PCDHGA2: variants seen among roughly 807,000 people sequenced by gnomAD.
The protein encoded by PCDHGA2 is protocadherin gamma subfamily A, 2, also known as protocadherin gamma-A2.
PCDHGA2 carries 40 observed loss-of-function variants against 59.2 expected under a neutral mutation model. That is an observed-to-expected ratio of 0.68 (90% CI 0.52 to 0.88). The LOEUF (loss-of-function observed/expected upper bound fraction) is 0.88. Among genes scored for constraint, PCDHGA2 ranks in the 40% least tolerant of loss-of-function variants. The probability of loss-of-function intolerance (pLI) is 0.00; values close to 1 mark genes in which losing one functional copy is unlikely to be tolerated. For synonymous variants in PCDHGA2, 560 were observed against 526.0 expected, an observed-to-expected ratio of 1.06 and a Z score of -0.89; for missense variants, 1,226 against 1,204.0, an observed-to-expected ratio of 1.02 and a Z score of -0.27.
At chr5:141,449,979 C>T (rs1382206842) in intron 1 of PCDHGA2, among the ~76,000 whole-genome samples, 1 of 148,862 alleles carries the variant, frequency 6.7e-6, no homozygotes, top group Non-Finnish European at 1.5e-5. Context: ...TCCAAAATAT[C>T]ACACATTGCA....
chr5:141,393,938 C>T lies in PCDHGA2; in HGVS notation c.2424+52543C>T, dbSNP rs537803893. The T allele has an allele frequency of 1.5e-5, 25 of 1,613,934 alleles. No homozygotes were observed. In the African/African-American group the frequency reaches 2.4e-4, roughly 15 times the overall value. ...CCTTCTTGAGTGTGCATGACCAAGA[C>T]TCTGGAAAGAATGGTCAAGTTGTCT... On this transcript the variant is annotated intron_variant, in intron 1 of 3. Transcript: ENST00000394576.
chr5:141,433,262 T>A, intron 1 of PCDHGA2: 1 of 1,339,436 alleles, frequency 7.5e-7, no homozygotes, highest in Non-Finnish European at 1.0e-6. Flanking sequence ...GGTACGATCA[T>A]AGCTCACTGC....
chr5:141,436,902 G>A (rs2097852984), intron 1 of PCDHGA2, among the ~76,000 whole-genome samples: 1 of 152,210 alleles, frequency 6.6e-6, no homozygotes, highest in Admixed American at 6.5e-5. Flanking sequence ...TTTTATATGA[G>A]ACAATTTTGT....
chr5:141,364,828 T>C (rs57308563), intron 1 of PCDHGA2: 152,960 of 1,613,868 alleles, frequency 0.095, 8,950 homozygotes, highest in African/African-American at 0.29. Flanking sequence ...GTGTGAACTC[T>C]CTCCGGAGTT....
At chr5:141,427,808 G>C (rs756554301) in intron 1 of PCDHGA2, 1 of 1,522,948 alleles carries the variant, frequency 6.6e-7, no homozygotes, top group Non-Finnish European at 9.0e-7. Context: ...TGAGCGCACA[G>C]AGCGGGGTGG....
chr5:141,378,758 C>T (rs969501970), intron 1 of PCDHGA2: 1 of 152,162 alleles, frequency 6.6e-6, no homozygotes, highest in Admixed American at 6.5e-5. Flanking sequence ...AAGGGATTAT[C>T]ATTTAGAAGA....
At chr5:141,455,013 C>T (rs1468289988) in intron 1 of PCDHGA2, among the ~76,000 whole-genome samples, 2 of 151,130 alleles carry the variant, frequency 1.3e-5, no homozygotes, top group African/African-American at 4.9e-5. Context: ...GGGGTTTCAC[C>T]GTGTTAGCCA....
At chr5:141,377,625 G>GT (rs1774202160) in intron 1 of PCDHGA2, 1 of 150,730 alleles carries the variant, frequency 6.6e-6, no homozygotes, top group South Asian at 2.1e-4. Flanking sequence ...AAAAGATTTT[G>GT]TTTTTTCTCA....
intron 1 of PCDHGA2, chr5:141,415,740 G>GTTTTTTTT (rs57426385): frequency 1.3e-4 from 79 of 625,006 alleles, no homozygotes; most frequent in African/African-American, 1.8e-4. Flanking sequence ...GTTTATTAAG[G>GTTTTTTTT]TTTTTTTTTT....
intron 1 of PCDHGA2, chr5:141,361,050 T>C (rs370096238): frequency 1.7e-5 from 28 of 1,613,586 alleles, no homozygotes; most frequent in African/African-American, 2.7e-5. Context: ...CGACAAAGGA[T>C]GATTTGGATT....
intron 1 of PCDHGA2, chr5:141,351,569 CACATCTCCG>C: frequency 6.2e-7 from 1 of 1,614,062 alleles, no homozygotes; most frequent in Non-Finnish European, 8.5e-7. Flanking sequence ...CATCACCCTG[CACATCTCCG>C]ACATCAACGA....
chr5:141,409,508 A>G, intron 1 of PCDHGA2: 2 of 1,614,022 alleles, frequency 1.2e-6, no homozygotes, highest in Non-Finnish European at 1.7e-6. Context: ...TTCTTCCAGT[A>G]GAAGCATCAC....
chr5:141,429,638 A>G (rs2097231013), intron 1 of PCDHGA2, among the ~76,000 whole-genome samples: 1 of 152,238 alleles, frequency 6.6e-6, no homozygotes, highest in African/African-American at 2.4e-5. Flanking sequence ...ACAGCTACCT[A>G]TATATTTCTT....
At chr5:141,413,528 T>C in intron 1 of PCDHGA2, 1 of 1,613,834 alleles carries the variant, frequency 6.2e-7, no homozygotes, top group Non-Finnish European at 8.5e-7. Context: ...GAAGACAGGG[T>C]GAAACTTTTT....
At chr5:141,508,732 C>A (rs1037039751) in intron 3 of PCDHGA2, among the ~76,000 whole-genome samples, 3 of 151,880 alleles carry the variant, frequency 2.0e-5, no homozygotes, top group Non-Finnish European at 4.4e-5. Flanking sequence ...GGAGACTACA[C>A]CCCCCACCCC....
At chr5:141,427,845 G>C in intron 1 of PCDHGA2, 1 of 1,550,582 alleles carries the variant, frequency 6.4e-7, no homozygotes, top group Non-Finnish European at 8.8e-7. Context: ...CTTCGACCAC[G>C]AGCAGCTGTG....
At chr5:141,344,437 C>A in intron 1 of PCDHGA2, 1 of 1,613,468 alleles carries the variant, frequency 6.2e-7, no homozygotes, top group Non-Finnish European at 8.5e-7. Context: ...AATTTCCCAA[C>A]AGAGGAATTG....
chr5:141,499,689 CTTTTTTTTTTTT>C (rs545067566), intron 2 of PCDHGA2, among the ~76,000 whole-genome samples: 1 of 119,856 alleles, frequency 8.3e-6, no homozygotes, highest in Non-Finnish European at 1.7e-5. Flanking sequence ...TAACAGATGA[CTTTTTTTTTTTT>C]TTTTTTTTTT....
At chr5:141,484,644 A>G (rs1165542601) in intron 1 of PCDHGA2, among the ~76,000 whole-genome samples, 1 of 151,748 alleles carries the variant, frequency 6.6e-6, no homozygotes, top group African/African-American at 2.4e-5. Flanking sequence ...CCACTCTCCA[A>G]TGGCTACTCT....
Sources: allele counts gnomAD v4.1 joint callset (sites outside exome capture counted in the v4.1 genomes callset), GRCh38; gene constraint gnomAD v4.1.1; transcripts MANE v1.5; gene names NCBI Gene and HGNC (gene_info 2026-07-23, HGNC 2026-07-21).